Variants in MRPS6 observed in about 807,000 individuals in gnomAD.
The protein encoded by MRPS6 is small ribosomal subunit protein bS6m.
Under a neutral mutation model 13.1 loss-of-function variants are expected in MRPS6, and 6 were observed. That is an observed-to-expected ratio of 0.46 (90% CI 0.25 to 0.91). MRPS6 has a LOEUF of 0.91. Among genes scored for constraint, MRPS6 ranks in the 40% least tolerant of loss-of-function variants. The pLI is 0.18. For synonymous variants in MRPS6, 61 were observed against 56.5 expected, an observed-to-expected ratio of 1.08 and a Z score of -0.36; for missense variants, 164 against 155.6, an observed-to-expected ratio of 1.05 and a Z score of -0.29.
chr21:34,141,836 G>C (rs2123280749), intron 2 of MRPS6, among the ~76,000 whole-genome samples: 1 of 152,266 alleles, frequency 6.6e-6, no homozygotes, highest in East Asian at 1.9e-4. Context: ...GTGATGAGTG[G>C]TAAATTCTTT....
intron 1 of MRPS6, chr21:34,124,392 C>G (rs1417490605): frequency 6.6e-6 from 1 of 151,936 alleles, no homozygotes; most frequent in Non-Finnish European, 1.5e-5. Flanking sequence ...CCAAAAATTG[C>G]TTGTGTATAC....
chr21:34,104,877 T>A, intron 1 of MRPS6: 1 of 1,000,234 alleles, frequency 1.0e-6, no homozygotes, highest in Non-Finnish European at 1.2e-6. Context: ...AAAAAAATGC[T>A]TCTGGAGATT....
At chr21:34,075,643 T>C (rs912291711) in intron 1 of MRPS6, among the ~76,000 whole-genome samples, 1 of 152,198 alleles carries the variant, frequency 6.6e-6, no homozygotes, top group East Asian at 1.9e-4. Flanking sequence ...GTAACAGTGG[T>C]GACTTATGTA....
chr21:34,093,660 G>A (rs1978822445), intron 1 of MRPS6, among the ~76,000 whole-genome samples: 1 of 152,192 alleles, frequency 6.6e-6, no homozygotes, highest in African/African-American at 2.4e-5. Context: ...AGAAGTTAAT[G>A]TGTGGAAGGC....
chr21:34,081,730 G>A (rs1464185098), intron 1 of MRPS6, among the ~76,000 whole-genome samples: 1 of 152,196 alleles, frequency 6.6e-6, no homozygotes, highest in African/African-American at 2.4e-5. Flanking sequence ...AGGTAGTTAA[G>A]TGTAGTTCTG....
chr21:34,097,243 C>T (rs1418854941), intron 1 of MRPS6: 2 of 1,613,962 alleles, frequency 1.2e-6, no homozygotes. Context: ...GAAGAGGAGG[C>T]TGTTTGTTTA....
intron 1 of MRPS6, among the ~76,000 whole-genome samples, chr21:34,088,691 G>T (rs1978524381): frequency 6.6e-6 from 1 of 152,132 alleles, no homozygotes; most frequent in African/African-American, 2.4e-5. Flanking sequence ...GCAACATCCT[G>T]GCTGTAACAC....
At chr21:34,100,694 A>T in intron 1 of MRPS6, 2 of 1,000,212 alleles carry the variant, frequency 2.0e-6, no homozygotes, top group Non-Finnish European at 2.4e-6. Context: ...CACTTCTGTA[A>T]CTTGAGGCTA....
intron 1 of MRPS6, among the ~76,000 whole-genome samples, chr21:34,121,907 G>T (rs1980133277): frequency 6.6e-6 from 1 of 152,158 alleles, no homozygotes; most frequent in Non-Finnish European, 1.5e-5. Flanking sequence ...TGGATTAGTG[G>T]AATCAGTTCT....
At chr21:34,132,857 C>T (rs1050991413) in intron 2 of MRPS6, among the ~76,000 whole-genome samples, 2 of 152,208 alleles carry the variant, frequency 1.3e-5, no homozygotes, top group Non-Finnish European at 2.9e-5. Context: ...AGTCAAAAGA[C>T]CTGCTCTGTT....
intron 1 of MRPS6, among the ~76,000 whole-genome samples, chr21:34,092,316 C>G (rs1978738215): frequency 6.6e-6 from 1 of 151,980 alleles, no homozygotes; most frequent in African/African-American, 2.4e-5. Flanking sequence ...CTTTTCCAGT[C>G]TTTACCAGGT....
chr21:34,121,411 G>T (rs1980116468), intron 1 of MRPS6, among the ~76,000 whole-genome samples: 1 of 152,154 alleles, frequency 6.6e-6, no homozygotes, highest in Non-Finnish European at 1.5e-5. Flanking sequence ...ATTCAGGTTT[G>T]TATAACTCAT....
chr21:34,106,116 A>G (rs1427030067), intron 1 of MRPS6: 31 of 998,172 alleles, frequency 3.1e-5, no homozygotes, highest in Non-Finnish European at 3.7e-5. Context: ...TTAGCCTTCA[A>G]AAGTATTTGG....
Position 34,100,760 on chromosome 21 carries a change from T to A in MRPS6, c.46-24581T>A. ...AGAGTGTGTCTGTATTCGCAGTCCA[T>A]GGCTCATTTTCTTTATAGTAGGCAT... On this transcript the variant is annotated intron_variant, in intron 1 of 2. Transcript: ENST00000399312. 4 of 1,000,238 alleles carry A rather than the reference T, an allele frequency of 4.0e-6. No individual in the cohort carries two copies. The South Asian group carries it at 1.9e-4, about 47-fold the overall frequency. 62.0% of individuals were successfully genotyped at this position (1,000,238 alleles called of 1,614,324 possible).
At chr21:34,129,089 A>G (rs1419145131) in intron 2 of MRPS6, among the ~76,000 whole-genome samples, 1 of 152,018 alleles carries the variant, frequency 6.6e-6, no homozygotes, top group Non-Finnish European at 1.5e-5. Context: ...GAAAATTCTT[A>G]CTGTATTCCT....
At chr21:34,075,823 T>C (rs1200961479) in intron 1 of MRPS6, among the ~76,000 whole-genome samples, 1 of 152,194 alleles carries the variant, frequency 6.6e-6, no homozygotes, top group African/African-American at 2.4e-5. Context: ...GAAAATAGGA[T>C]TCTAAAATAG....
In MRPS6 at chr21:34,096,576, A is replaced by G. The variant is rs762283242; in HGVS notation, c.45+22831A>G. 1.9e-6 allele frequency: 3 copies of G among 1,613,980 alleles called. No homozygotes were observed. Among genetic ancestry groups the G allele is most frequent in the Admixed American group, 1.7e-5 (1 of 60,006 alleles). Reference sequence around the variant, plus strand: ...AGTGGCAGCCTTGTTCCTGCTGGCAATTTTCTGGAAGCGCTGCAATGAACA... The same window carrying G: ...AGTGGCAGCCTTGTTCCTGCTGGCAGTTTTCTGGAAGCGCTGCAATGAACA... On this transcript the variant is annotated intron_variant, in intron 1 of 2. Transcript: ENST00000399312. The surrounding 1 kb of genome is among the most constrained non-coding windows in gnomAD (Gnocchi z 5.9).
rs1354130031 is a variant in MRPS6 at position 34,125,438 on chromosome 21, CT to C, written c.145del (p.Tyr49IlefsTer38). The C allele has an allele frequency of 6.2e-7, 1 of 1,613,942 alleles. No individual in the cohort carries two copies. The highest frequency in any genetic ancestry group is 8.5e-7 in the Non-Finnish European group (1 of 1,179,950). On this transcript the variant is annotated frameshift_variant, in exon 2 of 3. Coordinates refer to ENST00000399312, the MANE Select transcript of MRPS6 (RefSeq NM_032476.4). LOFTEE classifies it high-confidence loss of function. Reference protein sequence around the residue: ...DLENLGERALPYRISAHSQQH... With the variant: ...DLENLGERALXYRISAHSQQH... The stretch of plus-strand genomic sequence containing the variant: ...GAAAACCTGGGTGAACGAGCGCTTC[CT>C]TATAGGATCTCTGCCCACAGTCAGC...
At chr21:34,108,282 T>C (rs1180108873) in intron 1 of MRPS6, among the ~76,000 whole-genome samples, 1 of 152,200 alleles carries the variant, frequency 6.6e-6, no homozygotes, top group Non-Finnish European at 1.5e-5. Context: ...TTTTATCTTT[T>C]ATACCATATT....
Sources: allele counts gnomAD v4.1 joint callset (sites outside exome capture counted in the v4.1 genomes callset), GRCh38; gene constraint gnomAD v4.1.1; non-coding constraint Gnocchi (gnomAD v3.1); transcripts MANE v1.5; gene names NCBI Gene and HGNC (gene_info 2026-07-23, HGNC 2026-07-21).